RXRG: variants seen among roughly 807,000 people sequenced by gnomAD.
RXRG encodes the protein retinoid X receptor gamma, also known as retinoic acid receptor RXR-gamma.
A neutral mutation model predicts 49.2 loss-of-function variants in RXRG; 19 were observed. The ratio of observed to expected loss-of-function variants is 0.39; its 90% CI spans 0.27 to 0.57. RXRG has a LOEUF of 0.57. RXRG is among the 20% of genes least tolerant of loss of function. The probability of loss-of-function intolerance (pLI) is 0.64; values close to 1 mark genes in which losing one functional copy is unlikely to be tolerated. For synonymous variants in RXRG, 224 were observed against 216.6 expected, an observed-to-expected ratio of 1.03 and a Z score of -0.30; for missense variants, 452 against 592.5, an observed-to-expected ratio of 0.76 and a Z score of 2.46.
In RXRG at chr1:165,410,571, G is replaced by A. The variant is rs1434709683; in HGVS notation, c.913+131C>T. On this transcript the variant is annotated intron_variant, in intron 6 of 9. Transcript: ENST00000359842. The stretch of plus-strand genomic sequence containing the variant: ...GCTTCCTTTGGGAATGAACAACCCC[G>A]CACAGGGTTATTTCATCATCAGCAT... 1.7e-5 allele frequency: 17 copies of A among 1,016,408 alleles called. 2 individuals carry two copies. The highest frequency in any genetic ancestry group is 1.4e-4 in the South Asian group (8 of 56,512). The allele number at this position is 1,016,408 out of a possible 1,614,324, so 63.0% of individuals were successfully genotyped here. A position where few individuals can be genotyped will look rare whatever the true frequency, so the allele number is the denominator to read the frequency against.
At chr1:165,438,729 C>G (rs969697401) in intron 1 of RXRG, among the ~76,000 whole-genome samples, 9 of 152,160 alleles carry the variant, frequency 5.9e-5, no homozygotes, top group African/African-American at 2.2e-4. Flanking sequence ...TCTTCAAGTT[C>G]TAAAAGTCTG....
At chr1:165,427,952 G>A (rs1046192162) in intron 2 of RXRG, among the ~76,000 whole-genome samples, 1 of 152,226 alleles carries the variant, frequency 6.6e-6, no homozygotes, top group African/African-American at 2.4e-5. Context: ...AGAGCCATCT[G>A]TCCTAGCCTA....
At chr1:165,439,091 G>T (rs1430816529) in intron 1 of RXRG, among the ~76,000 whole-genome samples, 1 of 152,066 alleles carries the variant, frequency 6.6e-6, no homozygotes, top group African/African-American at 2.4e-5. Flanking sequence ...TAATAAAATT[G>T]TAATTTAAAA....
In RXRG at chr1:165,438,615, T is replaced by C. The variant is rs151326848; in HGVS notation, c.49+6230A>G. Among the ~76,000 whole-genome samples the C allele has an allele frequency of 5.2e-3, 793 of 152,350 alleles. 9 individuals carry two copies. The highest frequency in any genetic ancestry group is 0.018 in the African/African-American group (758 of 41,576). ...AGTTTTAGGAATGTAAGGCATTATC[T>C]AGCAGACGGAATAAACTTGGACCCA... is the stretch of plus-strand genomic sequence containing the variant. On this transcript the variant is annotated intron_variant, in intron 1 of 9. Coordinates refer to ENST00000359842, the MANE Select transcript of RXRG (RefSeq NM_006917.5).
chr1:165,429,955 G>T (rs1408924782), intron 1 of RXRG, among the ~76,000 whole-genome samples: 1 of 152,072 alleles, frequency 6.6e-6, no homozygotes, highest in East Asian at 1.9e-4. Context: ...TAAGCTTTAG[G>T]ATCTGTAGCA....
At chr1:165,438,209 G>A (rs1056713322) in intron 1 of RXRG, among the ~76,000 whole-genome samples, 2 of 152,278 alleles carry the variant, frequency 1.3e-5, no homozygotes, top group South Asian at 2.1e-4. Context: ...CCTAATCCAA[G>A]CCTCTAAAAT....
chr1:165,429,415 C>A (rs184851324), intron 1 of RXRG, among the ~76,000 whole-genome samples: 10 of 152,316 alleles, frequency 6.6e-5, no homozygotes, highest in Non-Finnish European at 8.8e-5. Flanking sequence ...ATAATCAGGG[C>A]AGGGCTGAGA....
chr1:165,419,845 A>C (rs1450876642), intron 3 of RXRG, 25 bp downstream of exon 3: 2 of 1,573,824 alleles, frequency 1.3e-6, no homozygotes, highest in East Asian at 4.6e-5. Flanking sequence ...GGCACTTTTC[A>C]GGGAGTGTCT....
chr1:165,406,757 A>T, intron 9 of RXRG, 55 bp downstream of exon 9: 2 of 1,240,794 alleles, frequency 1.6e-6, no homozygotes, highest in Non-Finnish European at 2.4e-6. Flanking sequence ...GGCTCAGTAG[A>T]TGAAGAGTGG....
chr1:165,411,210 G>T, intron 4 of RXRG, 101 bp from the exon 5 acceptor site: 1 of 1,193,982 alleles, frequency 8.4e-7, no homozygotes. Flanking sequence ...CTATGAAAGG[G>T]GAATCATTAT....
intron 1 of RXRG, among the ~76,000 whole-genome samples, chr1:165,431,102 T>C (rs1370985020): frequency 1.3e-5 from 2 of 152,350 alleles, no homozygotes; most frequent in East Asian, 3.9e-4. Context: ...GTTTTGTTTC[T>C]CCATCTCTAT....
intron 7 of RXRG, 145 bp from the exon 8 acceptor site, chr1:165,408,463 G>A (rs866399092): frequency 1.3e-5 from 8 of 631,686 alleles, no homozygotes; most frequent in Non-Finnish European, 2.3e-5. Flanking sequence ...TGAAAAAGAT[G>A]CAACCCCTCA....
At chr1:165,407,417 C>T (rs1335915765) in intron 8 of RXRG, among the ~76,000 whole-genome samples, 1 of 152,204 alleles carries the variant, frequency 6.6e-6, no homozygotes, top group Non-Finnish European at 1.5e-5. Context: ...TCTTGAAAGA[C>T]TATTTTCCCT....
At chr1:165,428,635 CT>C (rs1195564209) in intron 2 of RXRG, 83 bp downstream of exon 2, 3 of 1,478,672 alleles carry the variant, frequency 2.0e-6, no homozygotes, top group Non-Finnish European at 2.7e-6. Flanking sequence ...TATGGACCTG[CT>C]GAGTGCTGGT....
chr1:165,420,150 CT>C (rs1184793854), intron 2 of RXRG, 136 bp from the exon 3 acceptor site: 2 of 622,026 alleles, frequency 3.2e-6, no homozygotes, highest in African/African-American at 1.9e-5. Context: ...GTATTTGAAA[CT>C]GCCTATCTGT....
intron 2 of RXRG, among the ~76,000 whole-genome samples, chr1:165,424,469 TA>T (rs1308359611): frequency 6.6e-6 from 1 of 152,198 alleles, no homozygotes; most frequent in Non-Finnish European, 1.5e-5. Flanking sequence ...TTGACATGCC[TA>T]AAAAAATCCC....
chr1:165,406,702 A>G, intron 9 of RXRG, 110 bp downstream of exon 9: 1 of 797,598 alleles, frequency 1.3e-6, no homozygotes, highest in Non-Finnish European at 2.1e-6. Flanking sequence ...TATGAAGATT[A>G]AATAACATTT....
intron 2 of RXRG, among the ~76,000 whole-genome samples, chr1:165,425,307 T>A (rs1658449829): frequency 6.6e-6 from 1 of 152,200 alleles, no homozygotes; most frequent in Non-Finnish European, 1.5e-5. Flanking sequence ...GATATTACGA[T>A]TTTTATTTGA....
chr1:165,401,096 G>A lies in RXRG; in HGVS notation c.*167C>T. On this transcript the variant is annotated 3_prime_UTR_variant, in exon 10 of 10. Coordinates refer to ENST00000359842, the MANE Select transcript of RXRG (RefSeq NM_006917.5). ...TATTACCTTTAACATCTATACAAAAGTCCACCTATAAAAGTCTCATGTGTA... is the reference window on the plus strand; with the variant it reads ...TATTACCTTTAACATCTATACAAAAATCCACCTATAAAAGTCTCATGTGTA... The A allele has an allele frequency of 1.6e-6, 1 of 620,106 alleles. No individual in the cohort carries two copies. The highest frequency in any genetic ancestry group is 2.8e-6 in the Non-Finnish European group (1 of 359,282). The allele number at this position is 620,106 out of a possible 1,614,324, so 38.4% of individuals were successfully genotyped here.
Sources: allele counts gnomAD v4.1 joint callset (sites outside exome capture counted in the v4.1 genomes callset), GRCh38; gene constraint gnomAD v4.1.1; transcripts MANE v1.5; gene names NCBI Gene and HGNC (gene_info 2026-07-23, HGNC 2026-07-21).